MYO9B: variants seen among roughly 807,000 people sequenced by gnomAD.
MYO9B encodes the protein myosin IXB.
In MYO9B, 71 loss-of-function variants were observed where a neutral mutation model predicts 229.5. The ratio of observed to expected loss-of-function variants is 0.31; its 90% confidence interval spans 0.26 to 0.38. MYO9B has a LOEUF of 0.38. Ranked by LOEUF, MYO9B falls within the 10% of genes least tolerant of loss-of-function variation. MYO9B has a pLI of 1.00. For missense variants in MYO9B, 2,255 were observed against 2,920.5 expected, an observed-to-expected ratio of 0.77 and a Z score of 5.25; for synonymous variants, 1,185 against 1,235.8, an observed-to-expected ratio of 0.96 and a Z score of 0.86.
intron 1 of MYO9B, among the ~76,000 whole-genome samples, chr19:17,085,462 G>A (rs1383806549): frequency 1.3e-5 from 2 of 152,010 alleles, no homozygotes; most frequent in Non-Finnish European, 2.9e-5. Context: ...GAATAAACTT[G>A]GGGGGTCTTT....
At position 17,211,786 on chromosome 19, in the gene MYO9B, G is replaced by A; in HGVS notation, c.6058+12G>A. The A allele has an allele frequency of 6.2e-7, 1 of 1,612,898 alleles. No homozygotes were observed. The highest frequency in any genetic ancestry group is 8.5e-7 in the Non-Finnish European group (1 of 1,179,702). ...GGGGGCCTCGGAAGGTCAGTATTAA[G>A]GTAGCGTCTGCTTTTCTCCTTCCCG... is the stretch of plus-strand genomic sequence containing the variant. On this transcript the variant is annotated intron_variant, in intron 39 of 39. Transcript: ENST00000682292.
chr19:17,159,445 C>G lies in MYO9B; in HGVS notation c.1380C>G (p.Thr460=), dbSNP rs376878511. 1.6e-5 allele frequency: 26 copies of G among 1,610,658 alleles called. No individual in the cohort carries two copies. Among genetic ancestry groups the G allele is most frequent in the African/African-American group, 2.7e-5 (2 of 74,900 alleles). Residue 460 remains threonine, a synonymous_variant, in exon 8 of 40, where the codon ACC becomes ACG. Transcript: ENST00000682292. ...VEVLTKRKTV[T]VNDKLILPYS... ...TTCTGACCAAAAGAAAAACGGTGAC[C>G]GTCAACGACAAGCTTATCCTTCCCT... is the stretch of plus-strand genomic sequence containing the variant.
intron 2 of MYO9B, among the ~76,000 whole-genome samples, chr19:17,126,000 C>A (rs886750733): frequency 6.6e-6 from 1 of 152,134 alleles, no homozygotes; most frequent in Non-Finnish European, 1.5e-5. Flanking sequence ...TCCTGTCTTG[C>A]ACCACATAGC....
chr19:17,211,980 G>A lies in MYO9B; in HGVS notation c.6144G>A (p.Pro2048=), dbSNP rs373912518. The A allele has an allele frequency of 9.2e-5, 122 of 1,323,138 alleles. 1 individual carries two copies. The highest frequency in any genetic ancestry group is 6.8e-4 in the South Asian group (58 of 85,612). 82.0% of individuals were successfully genotyped at this position (1,323,138 alleles called of 1,614,324 possible). A position where few individuals can be genotyped will look rare whatever the true frequency, so the allele number is the denominator to read the frequency against. The change falls in exon 40 of 40, where the codon CCG becomes CCA. Residue 2048 remains proline (P), a synonymous_variant. Coordinates refer to ENST00000682292, the MANE Select transcript of MYO9B (RefSeq NM_004145.4). ...TGGCCGCCCCTCCACGACGAAGGCC[G>A]TCGTCCTTCGTAACGGTCAGAGTGA... ...PTVAAPPRRR[P]SSFVTVRVKT...
At position 17,132,916 on chromosome 19, in the gene MYO9B, C is replaced by T. The variant is rs373447903; in HGVS notation, c.841-12481C>T. On this transcript the variant is annotated intron_variant, in intron 2 of 39. Transcript: ENST00000682292. ...AGGCTGGAGTGCAGTGGCATGATCT[C>T]GGCTCACTGCAAGCTCCACCTCCCA... Among the ~76,000 whole-genome samples, 17 of 150,794 alleles carry T rather than the reference C, an allele frequency of 1.1e-4. No homozygotes were observed. The South Asian group carries it at 1.5e-3, about 13-fold the overall frequency.
intron 13 of MYO9B, among the ~76,000 whole-genome samples, chr19:17,174,890 C>T (rs953928912): frequency 5.3e-5 from 8 of 151,222 alleles, no homozygotes; most frequent in African/African-American, 1.2e-4. Flanking sequence ...GCCAAGATCG[C>T]GCCACTGCAC....
intron 36 of MYO9B, 136 bp downstream of exon 36, chr19:17,209,845 G>A: frequency 1.7e-6 from 2 of 1,200,904 alleles, no homozygotes; most frequent in Middle Eastern, 2.9e-4. Context: ...GGGTGGGCAG[G>A]ACCTCCCATG....
chr19:17,152,896 C>A (rs1392959493), intron 4 of MYO9B, 190 bp downstream of exon 4: 1 of 583,298 alleles, frequency 1.7e-6, no homozygotes, highest in East Asian at 2.9e-5. Context: ...CACACTTTGT[C>A]CTCATACCTC....
intron 15 of MYO9B, among the ~76,000 whole-genome samples, chr19:17,182,116 G>C (rs1321771829): frequency 6.8e-6 from 1 of 146,254 alleles, no homozygotes; most frequent in African/African-American, 2.5e-5. Context: ...TCATTCTGTT[G>C]CCCAGGCTAC....
rs1055234912 is a variant in MYO9B, at chr19:17,191,197, A to T, written c.2789A>T (p.Asn930Ile). The T allele has an allele frequency of 6.2e-7, 1 of 1,612,208 alleles. No homozygotes were observed. Among genetic ancestry groups the T allele is most frequent in the Non-Finnish European group, 8.5e-7 (1 of 1,179,126 alleles). Reference protein sequence around the residue: ...LLEKMKIDKRNYQIGKTKVFL... With the variant: ...LLEKMKIDKRIYQIGKTKVFL... ...GAGAAAATGAAGATAGACAAGAGGAACTACCAGATCGGGAAGACCAAGGTC... is the reference window on the plus strand; with the variant it reads ...GAGAAAATGAAGATAGACAAGAGGATCTACCAGATCGGGAAGACCAAGGTC... The change falls in exon 20 of 40, where the codon AAC (asparagine) becomes ATC (isoleucine). Residue 930 changes from asparagine to isoleucine, a missense_variant. This residue lies in a region of MYO9B where 679 missense variants were observed against 770.2 expected (regional missense o/e 0.88). Transcript: ENST00000682292.
At chr19:17,205,358 C>CT (rs2073148813) in intron 31 of MYO9B, 22 bp downstream of exon 31, 1 of 1,607,940 alleles carries the variant, frequency 6.2e-7, no homozygotes, top group African/African-American at 1.3e-5. Flanking sequence ...AGGCCTGGAA[C>CT]TTTCTACAAT....
At position 17,154,057 on chromosome 19, in the gene MYO9B, C is replaced by T. The variant is rs1473339336; in HGVS notation, c.1089C>T (p.Tyr363=). 1.2e-6 allele frequency: 2 copies of T among 1,612,038 alleles called. No homozygotes were observed. The highest frequency in any genetic ancestry group is 1.7e-6 in the Non-Finnish European group (2 of 1,179,524). Residue 363 remains tyrosine, a synonymous_variant, in exon 5 of 40, where the codon TAC becomes TAT. Coordinates refer to ENST00000682292, the MANE Select transcript of MYO9B (RefSeq NM_004145.4). ...TCAAGCAGCCTGAAGATTATTTCTA[C>T]CTCAACCAGGTAAACAGCCTCAAGC... ...FQLKQPEDYF[Y]LNQHNLKIED...
rs2072513452 is a variant in MYO9B at position 17,154,259 on chromosome 19, C to T, written c.1099-56C>T. On this transcript the variant is annotated intron_variant, in intron 5 of 39. Coordinates refer to ENST00000682292, the MANE Select transcript of MYO9B (RefSeq NM_004145.4). ...CCAGCTCCAGCCAAAATCACTCTGG[C>T]ACGCCACCCTTGCCGGCCCAGGAAT... 2.0e-6 allele frequency: 3 copies of T among 1,536,216 alleles called. No individual in the cohort carries two copies. The Admixed American group carries it at 5.2e-5, about 27-fold the overall frequency.
intron 16 of MYO9B, 30 bp downstream of exon 16, chr19:17,183,898 C>T (rs539385022): frequency 1.3e-4 from 196 of 1,549,180 alleles, no homozygotes; most frequent in Middle Eastern, 1.7e-4. Flanking sequence ...CCGCGCGACA[C>T]GTTCCAAGAT....
At position 17,162,350 on chromosome 19, in the gene MYO9B, G is replaced by T; in HGVS notation, c.1420G>T (p.Ala474Ser). The change falls in exon 9 of 40, where the codon GCC becomes TCC. Residue 474 changes from alanine (A) to serine (S), a missense_variant and splice_region_variant. Around this residue, in one of 7 missense-constraint regions of MYO9B, gnomAD observed 220 missense variants for 404.5 expected, o/e 0.54. Coordinates refer to ENST00000682292, the MANE Select transcript of MYO9B (RefSeq NM_004145.4). Reference protein sequence around the residue: ...KLILPYSLSEAITARDSMAKS... With the variant: ...KLILPYSLSESITARDSMAKS... ...TGAGTCACCCCCTCTGTGTCCACAGGCCATCACTGCCCGCGACTCCATGGC... is the reference window on the plus strand; with the variant it reads ...TGAGTCACCCCCTCTGTGTCCACAGTCCATCACTGCCCGCGACTCCATGGC... The T allele has an allele frequency of 6.4e-7, 1 of 1,567,108 alleles. No individual in the cohort carries two copies.
intron 18 of MYO9B, among the ~76,000 whole-genome samples, chr19:17,187,600 A>G (rs2072933315): frequency 6.8e-6 from 1 of 146,122 alleles, no homozygotes; most frequent in Non-Finnish European, 1.5e-5. Flanking sequence ...AATTTAAATG[A>G]CTAGAGATGG....
chr19:17,166,046 T>C, intron 10 of MYO9B, among the ~76,000 whole-genome samples: 1 of 139,532 alleles, frequency 7.2e-6, no homozygotes, highest in Non-Finnish European at 1.5e-5. Flanking sequence ...TTAAGTGTGA[T>C]TTTTTTTTTT....
At chr19:17,106,010 C>G (rs951620628) in intron 2 of MYO9B, among the ~76,000 whole-genome samples, 2 of 149,184 alleles carry the variant, frequency 1.3e-5, no homozygotes, top group Non-Finnish European at 3.0e-5. Flanking sequence ...CGCCTCTCCT[C>G]TATTCCTTTC....
intron 1 of MYO9B, among the ~76,000 whole-genome samples, chr19:17,076,934 G>A (rs1204597782): frequency 6.6e-6 from 1 of 152,170 alleles, no homozygotes; most frequent in Non-Finnish European, 1.5e-5. Context: ...AGGCACGACA[G>A]CCACGAGCCC....
Sources: gnomAD v4.1 joint callset for allele counts (sites outside exome capture counted in the v4.1 genomes callset) on GRCh38, gnomAD v4.1.1 for gene constraint, gnomAD v4.1.1 regional missense constraint, MANE v1.5 for transcripts, NCBI Gene and HGNC (gene_info 2026-07-23, HGNC 2026-07-21) for gene names.